Variants in IMMP2L observed in about 807,000 individuals in gnomAD.
IMMP2L encodes the protein inner mitochondrial membrane peptidase subunit 2.
Under a neutral mutation model 19.3 loss-of-function variants are expected in IMMP2L, and 18 were observed. The observed-to-expected ratio is 0.93, with a 90% CI of 0.64 to 1.38. IMMP2L has a LOEUF of 1.38. Ranked by LOEUF, IMMP2L falls within the 40% of genes most tolerant of loss-of-function variation. The pLI is 0.00. For missense variants in IMMP2L, 233 were observed against 218.2 expected, an observed-to-expected ratio of 1.07 and a Z score of -0.43; for synonymous variants, 76 against 73.0, an observed-to-expected ratio of 1.04 and a Z score of -0.21.
chr7:110,898,409 C>CT (rs1219409311), intron 4 of IMMP2L, among the ~76,000 whole-genome samples: 1 of 152,056 alleles, frequency 6.6e-6, no homozygotes, highest in Non-Finnish European at 1.5e-5. Flanking sequence ...TTTGCCGTTG[C>CT]TAAGGGCCCT....
chr7:111,351,775 T>G (rs900818730), intron 3 of IMMP2L, among the ~76,000 whole-genome samples: 4 of 152,204 alleles, frequency 2.6e-5, no homozygotes, highest in Non-Finnish European at 5.9e-5. Context: ...AATAAGAAAG[T>G]GCAGACATAT....
rs538646227 is a variant in IMMP2L at position 111,262,679 on chromosome 7, T to G, written c.239+224559A>C. Among the ~76,000 whole-genome samples, 3 of 152,292 alleles carry G rather than the reference T, an allele frequency of 2.0e-5. No homozygotes were observed. In the East Asian group the frequency reaches 5.8e-4, roughly 29 times the overall value. On this transcript the variant is annotated intron_variant, in intron 3 of 5. Transcript: ENST00000405709. ...GAGGTATATCTCCCTAGATAATATT[T>G]TCAACAGATAGAACTGTCTAGAGTA... is the stretch of plus-strand genomic sequence containing the variant.
At chr7:111,342,988 A>G (rs1368613310) in intron 3 of IMMP2L, among the ~76,000 whole-genome samples, 3 of 152,228 alleles carry the variant, frequency 2.0e-5, no homozygotes, top group East Asian at 1.9e-4. Context: ...TAGCAATAAG[A>G]TTCAGTGAGG....
intron 3 of IMMP2L, among the ~76,000 whole-genome samples, chr7:111,073,458 C>A (rs1265285091): frequency 6.6e-6 from 1 of 151,862 alleles, no homozygotes. Context: ...AAGTAGTATC[C>A]CTGAGATAGT....
chr7:111,215,436 A>C (rs974309733), intron 3 of IMMP2L, among the ~76,000 whole-genome samples: 1 of 152,174 alleles, frequency 6.6e-6, no homozygotes, highest in African/African-American at 2.4e-5. Flanking sequence ...TTTCCCAAAC[A>C]AGAATCATGA....
At chr7:111,282,081 G>T (rs974248517) in intron 3 of IMMP2L, among the ~76,000 whole-genome samples, 2 of 152,110 alleles carry the variant, frequency 1.3e-5, no homozygotes, top group Non-Finnish European at 2.9e-5. Flanking sequence ...CAAGCATTGT[G>T]CTAGGTAGTG....
chr7:110,699,208 A>T (rs1178345899), intron 5 of IMMP2L, among the ~76,000 whole-genome samples: 1 of 152,182 alleles, frequency 6.6e-6, no homozygotes, highest in Non-Finnish European at 1.5e-5. Context: ...AGTTGGCCCC[A>T]GTTTAAGATA....
chr7:111,403,207 AGT>A (rs1386066806), intron 3 of IMMP2L, among the ~76,000 whole-genome samples: 1 of 151,914 alleles, frequency 6.6e-6, no homozygotes, highest in Non-Finnish European at 1.5e-5. Flanking sequence ...TTCTCGTGAT[AGT>A]GAGTACTCAC....
chr7:111,499,998 G>C (rs571308962), intron 2 of IMMP2L, among the ~76,000 whole-genome samples: 12 of 152,294 alleles, frequency 7.9e-5, no homozygotes, highest in African/African-American at 2.6e-4. Flanking sequence ...AGCCAAAGCA[G>C]GGTGAGGCAT....
At chr7:111,322,387 A>T (rs894846111) in intron 3 of IMMP2L, among the ~76,000 whole-genome samples, 1 of 151,876 alleles carries the variant, frequency 6.6e-6, no homozygotes, top group Non-Finnish European at 1.5e-5. Context: ...ACTGAATTTA[A>T]CACAAGCATA....
At chr7:111,185,907 A>G (rs752290385) in intron 3 of IMMP2L, among the ~76,000 whole-genome samples, 8 of 152,182 alleles carry the variant, frequency 5.3e-5, no homozygotes, top group Admixed American at 2.6e-4. Context: ...ATTTATTTTC[A>G]TATCACATTC....
chr7:111,402,996 C>T (rs1345330489), intron 3 of IMMP2L, among the ~76,000 whole-genome samples: 24 of 97,494 alleles, frequency 2.5e-4, no homozygotes, highest in Non-Finnish European at 4.5e-4. Flanking sequence ...CCTTGACCCC[C>T]CCCCCCCACC....
intron 3 of IMMP2L, among the ~76,000 whole-genome samples, chr7:111,372,011 C>A (rs980855116): frequency 1.3e-5 from 2 of 151,942 alleles, no homozygotes; most frequent in Non-Finnish European, 2.9e-5. Flanking sequence ...GAACAATCAC[C>A]TTGACAAACA....
intron 3 of IMMP2L, among the ~76,000 whole-genome samples, chr7:111,108,195 A>T (rs1465062476): frequency 2.0e-5 from 3 of 152,176 alleles, no homozygotes; most frequent in Non-Finnish European, 4.4e-5. Flanking sequence ...TCAGCTGGCA[A>T]CAAGCATGGT....
At chr7:111,090,446 G>C (rs1418188231) in intron 3 of IMMP2L, among the ~76,000 whole-genome samples, 1 of 151,812 alleles carries the variant, frequency 6.6e-6, no homozygotes, top group African/African-American at 2.4e-5. Context: ...TTCATATGTA[G>C]CTCCTAGATT....
intron 5 of IMMP2L, among the ~76,000 whole-genome samples, chr7:110,879,667 T>A (rs1809446772): frequency 6.6e-6 from 1 of 152,172 alleles, no homozygotes; most frequent in Admixed American, 6.5e-5. Context: ...GCTATTATAC[T>A]ACTAAGTTTG....
At chr7:110,846,889 C>A (rs1334575658) in intron 5 of IMMP2L, among the ~76,000 whole-genome samples, 1 of 152,138 alleles carries the variant, frequency 6.6e-6, no homozygotes, top group Non-Finnish European at 1.5e-5. Flanking sequence ...CCCTCTGTTA[C>A]CAAGCCCTGT....
chr7:110,963,539 ATCT>A lies in IMMP2L; in HGVS notation c.263_265del (p.Lys88del), dbSNP rs780790549. ...TTCAAGAGCAATCACTCTCTTAATGATCTTCTGTTCTGGGTTTTTAGGAGACCT... is the reference window on the plus strand; with the variant it reads ...TTCAAGAGCAATCACTCTCTTAATGATCTGTTCTGGGTTTTTAGGAGACCT... On this transcript the variant is annotated inframe_deletion, in exon 4 of 6. Coordinates refer to ENST00000405709, the MANE Select transcript of IMMP2L (RefSeq NM_032549.4). The A allele has an allele frequency of 3.4e-5, 55 of 1,603,258 alleles. No homozygotes were observed. The highest frequency in any genetic ancestry group is 4.4e-5 in the Non-Finnish European group (51 of 1,172,036).
intron 4 of IMMP2L, among the ~76,000 whole-genome samples, chr7:110,901,448 T>C (rs992273967): frequency 2.6e-5 from 4 of 152,166 alleles, no homozygotes; most frequent in African/African-American, 9.7e-5. Flanking sequence ...GAAAAGGATT[T>C]CAGATATCTT....
Sources: gnomAD v4.1 joint callset for allele counts (sites outside exome capture counted in the v4.1 genomes callset) on GRCh38, gnomAD v4.1.1 for gene constraint, MANE v1.5 for transcripts, NCBI Gene and HGNC (gene_info 2026-07-23, HGNC 2026-07-21) for gene names.